Variants in MAGI2 observed in about 807,000 individuals in gnomAD.
The protein encoded by MAGI2 is membrane-associated guanylate kinase, WW and PDZ domain-containing protein 2.
In MAGI2, 35 loss-of-function variants were observed where a neutral mutation model predicts 133.3. The ratio of observed to expected loss-of-function variants is 0.26; its 90% CI spans 0.20 to 0.35. The LOEUF (loss-of-function observed/expected upper bound fraction) is 0.35, where lower values mean the gene tolerates loss of function less well. Among genes scored for constraint, MAGI2 ranks in the 10% least tolerant of loss-of-function variants. MAGI2 has a pLI of 1.00. For synonymous variants in MAGI2, 729 were observed against 710.6 expected (o/e 1.03, Z -0.41); for missense variants, 1,636 against 1,863.4 (o/e 0.88, Z 2.25).
chr7:78,400,168 A>G (rs1001056832), intron 6 of MAGI2, among the ~76,000 whole-genome samples: 6 of 152,162 alleles, frequency 3.9e-5, no homozygotes, highest in Admixed American at 2.0e-4. Flanking sequence ...GCTTGTTTGG[A>G]AACAGTAGGT....
intron 2 of MAGI2, among the ~76,000 whole-genome samples, chr7:78,780,007 A>G (rs1377613535): frequency 6.6e-6 from 1 of 152,248 alleles, no homozygotes; most frequent in Admixed American, 6.5e-5. Context: ...AGAAATTAGA[A>G]AGAAAGATAT....
chr7:78,741,432 A>AG (rs1388475779), intron 2 of MAGI2, among the ~76,000 whole-genome samples: 1 of 139,034 alleles, frequency 7.2e-6, no homozygotes, highest in South Asian at 2.3e-4. Context: ...CACACACGGG[A>AG]GGGGGGTTAG....
intron 9 of MAGI2, among the ~76,000 whole-genome samples, chr7:78,326,498 A>G (rs1788602487): frequency 6.6e-6 from 1 of 152,142 alleles, no homozygotes; most frequent in Non-Finnish European, 1.5e-5. Context: ...GGTATTACAC[A>G]TCCACAGATC....
chr7:79,018,532 A>G lies in MAGI2; in HGVS notation c.302-11326T>C, dbSNP rs548267603. Among the ~76,000 whole-genome samples the G allele has an allele frequency of 2.0e-5, 3 of 152,322 alleles. No homozygotes were observed. The South Asian group carries it at 6.2e-4, about 32-fold the overall frequency. On this transcript the variant is annotated intron_variant, in intron 1 of 21. Transcript: ENST00000354212. ...AGCTAACAACCTGATGACAGGATCA[A>G]ATCCACACATATCAACACTAACCTT...
At chr7:78,080,153 C>T (rs1815791932) in intron 20 of MAGI2, among the ~76,000 whole-genome samples, 1 of 152,136 alleles carries the variant, frequency 6.6e-6, no homozygotes, top group Admixed American at 6.5e-5. Flanking sequence ...GGCAGGAGAG[C>T]CTGAAAACAA....
intron 3 of MAGI2, among the ~76,000 whole-genome samples, chr7:78,570,974 T>C (rs954164642): frequency 2.6e-5 from 4 of 152,172 alleles, no homozygotes; most frequent in Admixed American, 6.5e-5. Flanking sequence ...GGAGCAAAAT[T>C]AGGTTACTTA....
At chr7:79,073,466 T>C (rs965885660) in intron 1 of MAGI2, among the ~76,000 whole-genome samples, 4 of 152,186 alleles carry the variant, frequency 2.6e-5, no homozygotes, top group African/African-American at 9.7e-5. Context: ...TAACGAGTTA[T>C]ATATGTTCAT....
Position 79,263,063 on chromosome 7 carries a change from A to G in MAGI2, c.301+189957T>C, listed in dbSNP as rs749521250. Among the ~76,000 whole-genome samples the G allele has an allele frequency of 5.9e-5, 9 of 152,276 alleles. No individual in the cohort carries two copies. The South Asian group carries it at 8.3e-4, about 14-fold the overall frequency. ...CATTTCCAAGCTTGTTTAGAAGTAGACAACCATGTGATTTGGCTGGCACTT... is the reference window on the plus strand; with the variant it reads ...CATTTCCAAGCTTGTTTAGAAGTAGGCAACCATGTGATTTGGCTGGCACTT... On this transcript the variant is annotated intron_variant, in intron 1 of 21. Coordinates refer to ENST00000354212, the MANE Select transcript of MAGI2 (RefSeq NM_012301.4).
chr7:79,100,781 T>A (rs1048043139), intron 1 of MAGI2, among the ~76,000 whole-genome samples: 3 of 152,098 alleles, frequency 2.0e-5, no homozygotes, highest in Admixed American at 2.0e-4. Flanking sequence ...TCATAGGTAT[T>A]TTTTCTAACT....
At chr7:78,941,728 T>TCA (rs3068585) in intron 2 of MAGI2, among the ~76,000 whole-genome samples, 8,224 of 123,242 alleles carry the variant, frequency 0.067, 258 homozygotes, top group Admixed American at 0.088. Flanking sequence ...GCCTATTTCA[T>TCA]CACACACACA....
At chr7:78,993,105 T>C (rs558604714) in intron 2 of MAGI2, among the ~76,000 whole-genome samples, 2 of 152,108 alleles carry the variant, frequency 1.3e-5, no homozygotes, top group African/African-American at 2.4e-5. Context: ...TGTCTCATAC[T>C]ATAAGCAGAA....
Position 78,166,345 on chromosome 7 carries a change from C to T in MAGI2, c.2596+1571G>A, listed in dbSNP as rs757040772. ...TCTTTAGGTTATAGAACATACAGCACAGCAAACTTTTTATTAAAAATTACT... is the reference window on the plus strand; with the variant it reads ...TCTTTAGGTTATAGAACATACAGCATAGCAAACTTTTTATTAAAAATTACT... On this transcript the variant is annotated intron_variant, in intron 15 of 21. Transcript: ENST00000354212. 2.0e-5 allele frequency among the ~76,000 whole-genome samples: 3 copies of T among 152,168 alleles called. No individual in the cohort carries two copies. In the South Asian group the frequency reaches 6.2e-4, roughly 32 times the overall value.
chr7:78,792,736 A>G (rs1787279027), intron 2 of MAGI2, among the ~76,000 whole-genome samples: 1 of 152,222 alleles, frequency 6.6e-6, no homozygotes, highest in Admixed American at 6.5e-5. Context: ...TAACTGAAAA[A>G]AAGAAGTAAT....
At chr7:78,322,853 G>C (rs1217705995) in intron 9 of MAGI2, among the ~76,000 whole-genome samples, 2 of 152,014 alleles carry the variant, frequency 1.3e-5, no homozygotes, top group African/African-American at 4.8e-5. Context: ...AAGTTGTCCT[G>C]TCTTTGGAGT....
chr7:79,067,967 G>T (rs1172032905), intron 1 of MAGI2, among the ~76,000 whole-genome samples: 1 of 152,132 alleles, frequency 6.6e-6, no homozygotes, highest in Non-Finnish European at 1.5e-5. Context: ...ACTTGATCTT[G>T]GTGGATAAGC....
At chr7:79,260,924 C>T (rs1249378129) in intron 1 of MAGI2, among the ~76,000 whole-genome samples, 1 of 152,162 alleles carries the variant, frequency 6.6e-6, no homozygotes, top group Non-Finnish European at 1.5e-5. Flanking sequence ...TGGGGGTGTT[C>T]ACTATACTAG....
chr7:79,021,788 A>T, intron 1 of MAGI2, among the ~76,000 whole-genome samples: 1 of 152,128 alleles, frequency 6.6e-6, no homozygotes, highest in East Asian at 1.9e-4. Flanking sequence ...TTGTGTTTTG[A>T]AATGTGAGGA....
At chr7:78,585,855 T>C (rs1803343971) in intron 3 of MAGI2, among the ~76,000 whole-genome samples, 1 of 152,190 alleles carries the variant, frequency 6.6e-6, no homozygotes, top group African/African-American at 2.4e-5. Context: ...AAGCAACTGC[T>C]AACTTCATGA....
At chr7:78,144,976 G>C (rs1823154266) in intron 16 of MAGI2, among the ~76,000 whole-genome samples, 1 of 152,028 alleles carries the variant, frequency 6.6e-6, no homozygotes, top group Non-Finnish European at 1.5e-5. Context: ...GTGAGAACAT[G>C]CGGTGTTTGG....
Sources: gnomAD v4.1 joint callset for allele counts (sites outside exome capture counted in the v4.1 genomes callset) on GRCh38, gnomAD v4.1.1 for gene constraint, MANE v1.5 for transcripts, NCBI Gene and HGNC (gene_info 2026-07-23, HGNC 2026-07-21) for gene names.